The following WWOX variants were observed in gnomAD, a reference collection of about 807,000 sequenced individuals.
WWOX encodes WW domain containing oxidoreductase, also known as WW domain-containing oxidoreductase.
WWOX carries 69 observed loss-of-function variants against 46.2 expected under a neutral mutation model. The ratio of observed to expected loss-of-function variants is 1.49; its 90% CI spans 1.23 to 1.82. WWOX has a LOEUF of 1.82. Among genes scored for constraint, WWOX ranks in the 40% most tolerant of loss-of-function variants. The probability of loss-of-function intolerance (pLI) is 0.00; values close to 1 mark genes in which losing one functional copy is unlikely to be tolerated. For missense variants in WWOX, 919 were observed against 542.6 expected, an observed-to-expected ratio of 1.69 and a Z score of -6.89; for synonymous variants, 359 against 202.6, an observed-to-expected ratio of 1.77 and a Z score of -6.56.
intron 8 of WWOX, among the ~76,000 whole-genome samples, chr16:78,932,343 C>T (rs1174099252): frequency 6.6e-6 from 1 of 152,176 alleles, no homozygotes; most frequent in Non-Finnish European, 1.5e-5. Flanking sequence ...GAGACAATTC[C>T]AGGTGCCCCT....
At chr16:78,944,825 A>G (rs1172578703) in intron 8 of WWOX, among the ~76,000 whole-genome samples, 1 of 152,156 alleles carries the variant, frequency 6.6e-6, no homozygotes, top group Non-Finnish European at 1.5e-5. Context: ...ATTCCCACAT[A>G]GCTGCTTCCC....
In WWOX at chr16:78,983,870, CTTTTT is replaced by C. The variant is rs760130115; in HGVS notation, c.1057-227719_1057-227715del. Among the ~76,000 whole-genome samples the C allele has an allele frequency of 6.9e-4, 55 of 79,866 alleles. No homozygotes were observed. The East Asian group carries it at 0.018, about 26-fold the overall frequency. The allele number at this position is 79,866 out of a possible 152,430, so 52.4% of individuals were successfully genotyped here. On this transcript the variant is annotated intron_variant, in intron 8 of 8. Coordinates refer to ENST00000566780, the MANE Select transcript of WWOX (RefSeq NM_016373.4). Reference sequence around the variant, plus strand: ...CAGTCCATCTGTTATGAGAGCTATTCTTTTTTTTTTTTTTTTTTTTTTTGTGAGAT... The same window carrying C: ...CAGTCCATCTGTTATGAGAGCTATTCTTTTTTTTTTTTTTTTTTGTGAGAT...
chr16:78,976,991 A>T (rs565957764), intron 8 of WWOX, among the ~76,000 whole-genome samples: 1 of 152,274 alleles, frequency 6.6e-6, no homozygotes, highest in African/African-American at 2.4e-5. Flanking sequence ...TTTTGAATCT[A>T]GCATGTATAA....
intron 8 of WWOX, chr16:79,204,574 A>T (rs2051446687): frequency 6.6e-6 from 1 of 152,212 alleles, no homozygotes; most frequent in Admixed American, 6.5e-5. Flanking sequence ...GAATTCTGGA[A>T]CACGAAGGAG....
chr16:79,019,207 C>T (rs376561627), intron 8 of WWOX, among the ~76,000 whole-genome samples: 22 of 104,768 alleles, frequency 2.1e-4, no homozygotes, highest in East Asian at 1.0e-3. Flanking sequence ...GTTGGAATGA[C>T]ATCAGACTCA....
At chr16:78,409,505 A>G (rs1040379161) in intron 6 of WWOX, among the ~76,000 whole-genome samples, 1 of 152,162 alleles carries the variant, frequency 6.6e-6, no homozygotes, top group African/African-American at 2.4e-5. Context: ...CCCATAGCAT[A>G]ATGCATGCAG....
intron 8 of WWOX, among the ~76,000 whole-genome samples, chr16:79,013,610 G>C (rs571161536): frequency 6.6e-6 from 1 of 152,232 alleles, no homozygotes; most frequent in Admixed American, 6.5e-5. Context: ...ACTCACCAAG[G>C]GTTAGGTCCT....
rs80287077 is a variant in WWOX at position 78,255,238 on chromosome 16, A to G, written c.516+90949A>G. 8.5e-3 allele frequency among the ~76,000 whole-genome samples: 1,298 copies of G among 152,308 alleles called. 10 individuals are homozygous for G. The highest frequency in any genetic ancestry group is 0.014 in the Middle Eastern group (4 of 294). On this transcript the variant is annotated intron_variant, in intron 5 of 8. Coordinates refer to ENST00000566780, the MANE Select transcript of WWOX (RefSeq NM_016373.4). ...GCTGTCCTTCTAGTCAGTTTCTGGC[A>G]CACTATGTTTATGAGCTTACAGAAC...
At chr16:78,349,061 T>C (rs2081142553) in intron 5 of WWOX, among the ~76,000 whole-genome samples, 1 of 120,314 alleles carries the variant, frequency 8.3e-6, no homozygotes, top group Non-Finnish European at 2.0e-5. Context: ...CATTTTCTCA[T>C]AGTTGTGGAG....
At chr16:78,521,250 T>C (rs1467169322) in intron 8 of WWOX, among the ~76,000 whole-genome samples, 2 of 152,186 alleles carry the variant, frequency 1.3e-5, no homozygotes, top group Admixed American at 6.5e-5. Context: ...AGAGACGGGA[T>C]CTTGCTGTGT....
At chr16:78,630,039 C>G (rs1423291663) in intron 8 of WWOX, among the ~76,000 whole-genome samples, 1 of 152,170 alleles carries the variant, frequency 6.6e-6, no homozygotes, top group Non-Finnish European at 1.5e-5. Flanking sequence ...ATGTCTCACT[C>G]ATGTAGACTC....
intron 5 of WWOX, among the ~76,000 whole-genome samples, chr16:78,381,155 T>C (rs1311345448): frequency 6.6e-6 from 1 of 152,172 alleles, no homozygotes; most frequent in Non-Finnish European, 1.5e-5. Context: ...TCTGTTTAAA[T>C]ACCACACACT....
chr16:78,667,240 G>A (rs1048056045), intron 8 of WWOX, among the ~76,000 whole-genome samples: 2 of 152,090 alleles, frequency 1.3e-5, no homozygotes, highest in Non-Finnish European at 2.9e-5. Flanking sequence ...TCTGCCCCTC[G>A]TAGCAGACTA....
intron 5 of WWOX, among the ~76,000 whole-genome samples, chr16:78,184,694 T>C (rs1597323823): frequency 6.6e-6 from 1 of 152,210 alleles, no homozygotes; most frequent in East Asian, 1.9e-4. Context: ...TTTACACAGT[T>C]CCACTGTTAC....
At chr16:78,884,543 A>G (rs551065921) in intron 8 of WWOX, among the ~76,000 whole-genome samples, 24 of 152,308 alleles carry the variant, frequency 1.6e-4, no homozygotes, top group South Asian at 2.1e-4. Flanking sequence ...AAATTCAACA[A>G]TGTGGATTTA....
intron 8 of WWOX, among the ~76,000 whole-genome samples, chr16:78,980,708 C>T (rs374605717): frequency 7.9e-5 from 12 of 152,202 alleles, no homozygotes; most frequent in South Asian, 4.2e-4. Context: ...AAAGGGGACC[C>T]GGATCAGCTC....
intron 8 of WWOX, among the ~76,000 whole-genome samples, chr16:78,539,732 A>G (rs760743913): frequency 1.3e-5 from 2 of 152,206 alleles, no homozygotes; most frequent in Non-Finnish European, 2.9e-5. Context: ...GAGGCAGCTC[A>G]TAATTAGTAA....
At chr16:78,859,958 G>T (rs1200025924) in intron 8 of WWOX, among the ~76,000 whole-genome samples, 1 of 152,026 alleles carries the variant, frequency 6.6e-6, no homozygotes, top group Admixed American at 6.6e-5. Context: ...TTTGTGATTT[G>T]GTGACATATC....
At chr16:78,134,635 G>A (rs2033725550) in intron 4 of WWOX, among the ~76,000 whole-genome samples, 1 of 152,104 alleles carries the variant, frequency 6.6e-6, no homozygotes, top group Admixed American at 6.6e-5. Flanking sequence ...TTGTTAACTT[G>A]TTGAGAAAAT....
Sources: gnomAD v4.1 joint callset for allele counts (sites outside exome capture counted in the v4.1 genomes callset) on GRCh38, gnomAD v4.1.1 for gene constraint, MANE v1.5 for transcripts, NCBI Gene and HGNC (gene_info 2026-07-23, HGNC 2026-07-21) for gene names.